The following PLCB1 variants were observed in gnomAD, a reference collection of about 807,000 sequenced individuals.
PLCB1 encodes phospholipase C beta 1, also known as 1-phosphatidylinositol 4,5-bisphosphate phosphodiesterase beta-1.
In PLCB1, 46 loss-of-function variants were observed where a neutral mutation model predicts 161.8. That is an observed-to-expected ratio of 0.28 (90% CI 0.22 to 0.36). PLCB1 has a LOEUF of 0.36. PLCB1 is among the 10% of genes least tolerant of loss of function. PLCB1 has a pLI of 1.00. For missense variants in PLCB1, 1,016 were observed against 1,472.5 expected, an observed-to-expected ratio of 0.69 and a Z score of 5.07; for synonymous variants, 517 against 503.7, an observed-to-expected ratio of 1.03 and a Z score of -0.35.
At chr20:8,790,602 A>G (rs1983708415) in intron 31 of PLCB1, among the ~76,000 whole-genome samples, 1 of 152,216 alleles carries the variant, frequency 6.6e-6, no homozygotes, top group Non-Finnish European at 1.5e-5. Context: ...ACTACTAAGT[A>G]AACGTCAGTT....
intron 3 of PLCB1, among the ~76,000 whole-genome samples, chr20:8,375,476 C>T (rs1256338236): frequency 1.3e-5 from 2 of 152,070 alleles, no homozygotes; most frequent in Non-Finnish European, 2.9e-5. Flanking sequence ...ATAATCTTGT[C>T]TTGTACAGAA....
rs869173548 is a variant in PLCB1, at chr20:8,495,388, C to CTTTTTTT, written c.246+123959_246+123965dup. ...TGTGGACTTTGCCTTACCTTCCTTT[C>CTTTTTTT]TTTTTTTTTTTTTTTTTTTTTTTTT... On this transcript the variant is annotated intron_variant, in intron 3 of 31. Coordinates refer to ENST00000338037, the MANE Select transcript of PLCB1 (RefSeq NM_015192.4). 2.4e-4 allele frequency among the ~76,000 whole-genome samples: 23 copies of CTTTTTTT among 94,358 alleles called. 2 individuals are homozygous for CTTTTTTT. The highest frequency in any genetic ancestry group is 7.2e-4 in the African/African-American group (16 of 22,220). 61.9% of individuals were successfully genotyped at this position (94,358 alleles called of 152,430 possible). A position where few individuals can be genotyped will look rare whatever the true frequency, so the allele number is the denominator to read the frequency against.
chr20:8,394,177 C>G (rs1395758023), intron 3 of PLCB1, among the ~76,000 whole-genome samples: 1 of 152,030 alleles, frequency 6.6e-6, no homozygotes, highest in African/African-American at 2.4e-5. Flanking sequence ...GCCTAGTGTA[C>G]CACTAGAGTG....
rs373334103 is a variant in PLCB1 at position 8,342,906 on chromosome 20, A to G, written c.178-28476A>G. ...AGAATGAAAAGTATTATTCAGCTAC[A>G]GTAGATGCTGGGGGCCCTCAAATCC... On this transcript the variant is annotated intron_variant, in intron 2 of 31. Transcript: ENST00000338037. Among the ~76,000 whole-genome samples, 6 of 152,330 alleles carry G rather than the reference A, an allele frequency of 3.9e-5. No individual in the cohort carries two copies. The East Asian group carries it at 7.7e-4, about 20-fold the overall frequency.
chr20:8,799,802 C>T (rs1984200448), intron 31 of PLCB1, among the ~76,000 whole-genome samples: 1 of 152,144 alleles, frequency 6.6e-6, no homozygotes, highest in Non-Finnish European at 1.5e-5. Context: ...ATAGTATTTG[C>T]ATATAATCTA....
At chr20:8,322,945 A>G (rs1332551845) in intron 2 of PLCB1, among the ~76,000 whole-genome samples, 2 of 152,120 alleles carry the variant, frequency 1.3e-5, no homozygotes, top group South Asian at 2.1e-4. Flanking sequence ...TATACCTCAC[A>G]TTGTGTTAGA....
intron 31 of PLCB1, among the ~76,000 whole-genome samples, chr20:8,856,434 G>A (rs1987069445): frequency 6.6e-6 from 1 of 152,032 alleles, no homozygotes; most frequent in Admixed American, 6.6e-5. Flanking sequence ...TGGCCAACAT[G>A]ATAAAACCCT....
intron 2 of PLCB1, among the ~76,000 whole-genome samples, chr20:8,341,134 TC>T (rs1427973418): frequency 6.6e-6 from 1 of 152,050 alleles, no homozygotes; most frequent in Non-Finnish European, 1.5e-5. Context: ...AAGCTTCTCT[TC>T]CCCATGCCTT....
chr20:8,310,161 G>C (rs6516368), intron 2 of PLCB1, among the ~76,000 whole-genome samples: 1,797 of 151,538 alleles, frequency 0.012, 32 homozygotes, highest in African/African-American at 0.041. Flanking sequence ...TGTTACGGTG[G>C]GTCTCTCTAG....
chr20:8,140,941 G>A (rs1389550752), intron 1 of PLCB1, among the ~76,000 whole-genome samples: 1 of 152,028 alleles, frequency 6.6e-6, no homozygotes, highest in Non-Finnish European at 1.5e-5. Context: ...TGAGATTACA[G>A]GCTTGTGCCA....
At chr20:8,385,480 G>A (rs534533076) in intron 3 of PLCB1, among the ~76,000 whole-genome samples, 1 of 152,336 alleles carries the variant, frequency 6.6e-6, no homozygotes, top group South Asian at 2.1e-4. Flanking sequence ...AGTGCTGGCT[G>A]CTGCCCCTCC....
At chr20:8,837,770 A>G (rs1986344749) in intron 31 of PLCB1, among the ~76,000 whole-genome samples, 1 of 152,132 alleles carries the variant, frequency 6.6e-6, no homozygotes, top group Admixed American at 6.6e-5. Flanking sequence ...GCTCTGTGAC[A>G]CTCTACTCTG....
chr20:8,306,934 G>A (rs1026145956), intron 2 of PLCB1, among the ~76,000 whole-genome samples: 2 of 152,174 alleles, frequency 1.3e-5, no homozygotes, highest in Admixed American at 1.3e-4. Flanking sequence ...GTGGTTTCGA[G>A]TTTTCAGATA....
chr20:8,155,380 G>A (rs958375640), intron 2 of PLCB1, among the ~76,000 whole-genome samples: 11 of 152,190 alleles, frequency 7.2e-5, no homozygotes, highest in Non-Finnish European at 1.3e-4. Context: ...CATTCTGGAT[G>A]TTTGTACAGA....
intron 3 of PLCB1, among the ~76,000 whole-genome samples, chr20:8,582,664 A>T (rs1873589294): frequency 6.6e-6 from 1 of 152,182 alleles, no homozygotes. Context: ...AATGGAGTAT[A>T]TCCATACAAT....
chr20:8,681,122 T>TATATATATATAAAAG (rs1990210891), intron 9 of PLCB1, among the ~76,000 whole-genome samples: 1 of 120,672 alleles, frequency 8.3e-6, no homozygotes, highest in African/African-American at 3.0e-5. Flanking sequence ...ATATATATAA[T>TATATATATATAAAAG]ATATATAAAA....
At chr20:8,402,441 G>T (rs1978593576) in intron 3 of PLCB1, among the ~76,000 whole-genome samples, 1 of 151,964 alleles carries the variant, frequency 6.6e-6, no homozygotes, top group African/African-American at 2.4e-5. Flanking sequence ...TGTTTTAAGT[G>T]GAGCTTTTAT....
At chr20:8,407,035 C>T (rs1023038113) in intron 3 of PLCB1, among the ~76,000 whole-genome samples, 1 of 152,138 alleles carries the variant, frequency 6.6e-6, no homozygotes, top group Non-Finnish European at 1.5e-5. Flanking sequence ...ACTTCTGAGG[C>T]TACACAGCCC....
intron 2 of PLCB1, among the ~76,000 whole-genome samples, chr20:8,306,148 T>G (rs561028708): frequency 6.6e-6 from 1 of 152,352 alleles, no homozygotes; most frequent in South Asian, 2.1e-4. Flanking sequence ...TGGACTATTC[T>G]CATTATAGAA....
Sources: allele counts gnomAD v4.1 joint callset (sites outside exome capture counted in the v4.1 genomes callset), GRCh38; gene constraint gnomAD v4.1.1; transcripts MANE v1.5; gene names NCBI Gene and HGNC (gene_info 2026-07-23, HGNC 2026-07-21).